SORCS3: variants seen among roughly 807,000 people sequenced by gnomAD.
SORCS3 encodes the protein VPS10 domain-containing receptor SorCS3.
Under a neutral mutation model 146.3 loss-of-function variants are expected in SORCS3, and 57 were observed. That is an observed-to-expected ratio of 0.39 (90% confidence interval 0.31 to 0.49). The LOEUF is 0.49. Among genes scored for constraint, SORCS3 ranks in the 20% least tolerant of loss-of-function variants. The probability of loss-of-function intolerance (pLI) is 0.92; values close to 1 mark genes in which losing one functional copy is unlikely to be tolerated. For missense variants in SORCS3, 1,341 were observed against 1,575.5 expected (o/e 0.85, Z 2.52); for synonymous variants, 653 against 618.5 (o/e 1.06, Z -0.83).
At chr10:104,846,158 C>T (rs1423793933) in intron 2 of SORCS3, among the ~76,000 whole-genome samples, 1 of 152,108 alleles carries the variant, frequency 6.6e-6, no homozygotes, top group Non-Finnish European at 1.5e-5. Flanking sequence ...AGCTTAGGAG[C>T]CACTGGATAG....
chr10:105,039,135 C>T (rs542186170), intron 4 of SORCS3, among the ~76,000 whole-genome samples: 2 of 152,250 alleles, frequency 1.3e-5, no homozygotes, highest in East Asian at 3.9e-4. Flanking sequence ...CTTTTAGTGA[C>T]TGAATGAATA....
Position 104,915,913 on chromosome 10 carries a change from A to T in SORCS3, c.776A>T (p.Asn259Ile). The change falls in exon 3 of 27, where the codon AAT becomes ATT. Residue 259 changes from asparagine to isoleucine, a missense_variant. Physicochemically the swap from Asn to Ile is moderately radical, Grantham distance 149. Transcript: ENST00000369701. ...LKTVLSYLYV[N>I]PTNKRKIMLL... The stretch of plus-strand genomic sequence containing the variant: ...ACTGTCCTCAGTTACCTCTATGTCA[A>T]TCCAACCAACAAAAGGAAGGTAAGA... The T allele has an allele frequency of 6.2e-7, 1 of 1,614,012 alleles. No individual in the cohort carries two copies. Among genetic ancestry groups the T allele is most frequent in the Non-Finnish European group, 8.5e-7 (1 of 1,179,930 alleles).
chr10:105,139,321 A>G, intron 7 of SORCS3, 76 bp from the exon 8 acceptor site: 1 of 1,074,206 alleles, frequency 9.3e-7, no homozygotes, highest in Non-Finnish European at 1.4e-6. Context: ...GGTTGTTGAT[A>G]GAAGAGCTAA....
chr10:104,717,337 A>C (rs1260080531), intron 1 of SORCS3, among the ~76,000 whole-genome samples: 1 of 150,888 alleles, frequency 6.6e-6, no homozygotes, highest in African/African-American at 2.4e-5. Context: ...AAATGTCAGC[A>C]TGCAGTAAAA....
At chr10:104,714,332 A>C (rs1015778631) in intron 1 of SORCS3, among the ~76,000 whole-genome samples, 14 of 151,932 alleles carry the variant, frequency 9.2e-5, no homozygotes, top group Non-Finnish European at 1.9e-4. Flanking sequence ...TAGTTTCCTA[A>C]GGTGTAATCT....
intron 5 of SORCS3, among the ~76,000 whole-genome samples, chr10:105,045,297 C>T (rs866705667): frequency 6.6e-6 from 1 of 152,108 alleles, no homozygotes; most frequent in South Asian, 2.1e-4. Flanking sequence ...TAAAAAAGAA[C>T]GAGTCCCTAG....
At chr10:105,192,186 G>A (rs1292853528) in intron 14 of SORCS3, among the ~76,000 whole-genome samples, 1 of 152,040 alleles carries the variant, frequency 6.6e-6, no homozygotes, top group Non-Finnish European at 1.5e-5. Context: ...GAATCATTTT[G>A]TTTCTTAAAG....
intron 25 of SORCS3, among the ~76,000 whole-genome samples, chr10:105,261,633 T>C (rs946735105): frequency 2.0e-5 from 3 of 152,186 alleles, no homozygotes; most frequent in Admixed American, 1.3e-4. Flanking sequence ...AGAAGATGAA[T>C]GCCTCAAGAA....
At chr10:105,186,739 C>G (rs1235532201) in intron 14 of SORCS3, among the ~76,000 whole-genome samples, 1 of 151,970 alleles carries the variant, frequency 6.6e-6, no homozygotes, top group Non-Finnish European at 1.5e-5. Context: ...CAAAAATTAG[C>G]TGGGCGTAGT....
At chr10:105,181,289 G>A (rs2056441113) in intron 14 of SORCS3, among the ~76,000 whole-genome samples, 1 of 152,192 alleles carries the variant, frequency 6.6e-6, no homozygotes, top group African/African-American at 2.4e-5. Flanking sequence ...GATCTCTAGA[G>A]ATTCTGAAAT....
intron 3 of SORCS3, among the ~76,000 whole-genome samples, chr10:104,972,964 T>C (rs1282985858): frequency 3.3e-5 from 5 of 152,238 alleles, no homozygotes; most frequent in East Asian, 1.9e-4. Flanking sequence ...ATGTGGTTTT[T>C]GTCTTTGGTT....
At chr10:104,933,305 T>C (rs564035923) in intron 3 of SORCS3, among the ~76,000 whole-genome samples, 97 of 117,284 alleles carry the variant, frequency 8.3e-4, no homozygotes, top group African/African-American at 5.2e-3. Context: ...GTCCTCTGGC[T>C]ATTTTTTTTT....
At chr10:105,098,275 G>A (rs2055759943) in intron 6 of SORCS3, among the ~76,000 whole-genome samples, 1 of 152,228 alleles carries the variant, frequency 6.6e-6, no homozygotes, top group African/African-American at 2.4e-5. Context: ...TTCAACCATA[G>A]AAGGCAGAGT....
At chr10:104,777,440 G>C (rs1222953186) in intron 1 of SORCS3, among the ~76,000 whole-genome samples, 3 of 152,204 alleles carry the variant, frequency 2.0e-5, no homozygotes, top group Admixed American at 2.0e-4. Context: ...GCTCAGTGAG[G>C]GGTGTGAGCA....
chr10:105,074,851 C>G (rs2055578992), intron 5 of SORCS3, among the ~76,000 whole-genome samples: 1 of 152,146 alleles, frequency 6.6e-6, no homozygotes, highest in Non-Finnish European at 1.5e-5. Flanking sequence ...CCTAGCAGTC[C>G]CGAGGCAAAG....
intron 3 of SORCS3, among the ~76,000 whole-genome samples, chr10:104,957,332 G>T (rs1222713870): frequency 6.6e-6 from 1 of 152,080 alleles, no homozygotes; most frequent in African/African-American, 2.4e-5. Flanking sequence ...GGCAACAGTG[G>T]GCTGTGGCAG....
At chr10:104,676,855 C>T (rs567930546) in intron 1 of SORCS3, among the ~76,000 whole-genome samples, 49 of 152,132 alleles carry the variant, frequency 3.2e-4, no homozygotes, top group African/African-American at 1.2e-3. Flanking sequence ...TGATTTCATT[C>T]TGTCTCCAGT....
intron 4 of SORCS3, among the ~76,000 whole-genome samples, chr10:105,039,595 T>C (rs2055326815): frequency 6.6e-6 from 1 of 151,634 alleles, no homozygotes; most frequent in South Asian, 2.1e-4. Context: ...TAGCTGGGAC[T>C]ACAAGCACCT....
rs771577013 is a variant in SORCS3, at chr10:104,977,512, C to A, written c.954+19C>A. On this transcript the variant is annotated intron_variant, in intron 4 of 26. Coordinates refer to ENST00000369701, the MANE Select transcript of SORCS3 (RefSeq NM_014978.3). ...TCAAAAGGTGAATAAATACTATTTT[C>A]ATTTACTTCTTGTCATCCAGGTACC... 5.7e-6 allele frequency: 9 copies of A among 1,577,878 alleles called. No homozygotes were observed. In the South Asian group the frequency reaches 1.0e-4, roughly 18 times the overall value.
Sources: gnomAD v4.1 joint callset for allele counts (sites outside exome capture counted in the v4.1 genomes callset) on GRCh38, gnomAD v4.1.1 for gene constraint, MANE v1.5 for transcripts, NCBI Gene and HGNC (gene_info 2026-07-23, HGNC 2026-07-21) for gene names.